Variants in ZC3H18 observed in about 807,000 individuals in gnomAD.
The protein encoded by ZC3H18 is zinc finger CCCH-type containing 18.
ZC3H18 carries 8 observed loss-of-function variants against 106.1 expected under a neutral mutation model. The observed-to-expected ratio is 0.08, with a 90% CI of 0.04 to 0.14. The LOEUF is 0.14. ZC3H18 is among the 10% of genes least tolerant of loss of function. The probability of loss-of-function intolerance (pLI) is 1.00; values close to 1 mark genes in which losing one functional copy is unlikely to be tolerated. For missense variants in ZC3H18, 1,318 were observed against 1,278.4 expected (o/e 1.03, Z -0.47); for synonymous variants, 635 against 522.1 (o/e 1.22, Z -2.95).
intron 8 of ZC3H18, among the ~76,000 whole-genome samples, chr16:88,621,382 G>A (rs1378859510): frequency 3.9e-5 from 6 of 152,052 alleles, no homozygotes; most frequent in Non-Finnish European, 5.9e-5. Context: ...CTGCCACCAC[G>A]CCTGGCTAAT....
At chr16:88,625,872 C>G (rs1322010014) in intron 13 of ZC3H18, 1 of 97,568 alleles carries the variant, frequency 1.0e-5, no homozygotes, top group Admixed American at 1.3e-4. Context: ...GAGACAGTTT[C>G]ATTCTTGTTG....
intron 7 of ZC3H18, among the ~76,000 whole-genome samples, chr16:88,610,339 A>G (rs1051816219): frequency 6.6e-6 from 1 of 152,200 alleles, no homozygotes; most frequent in Non-Finnish European, 1.5e-5. Context: ...GGAGCCCATC[A>G]GGGTGAGCTT....
At chr16:88,600,093 T>TGCTC in intron 6 of ZC3H18, 145 bp downstream of exon 6, 2 of 1,063,686 alleles carry the variant, frequency 1.9e-6, no homozygotes, top group Non-Finnish European at 2.7e-6. Context: ...CCTGAGAGCA[T>TGCTC]TCAGGCACGG....
intron 8 of ZC3H18, among the ~76,000 whole-genome samples, chr16:88,617,678 G>T (rs1905707175): frequency 6.6e-6 from 1 of 152,228 alleles, no homozygotes; most frequent in South Asian, 2.1e-4. Context: ...GGCTCCTGCG[G>T]TGGGGTTGTG....
At chr16:88,617,287 C>T (rs1905674864) in intron 8 of ZC3H18, among the ~76,000 whole-genome samples, 1 of 152,142 alleles carries the variant, frequency 6.6e-6, no homozygotes, top group African/African-American at 2.4e-5. Flanking sequence ...GACCAGCTCC[C>T]CCCTGGACCT....
intron 3 of ZC3H18, among the ~76,000 whole-genome samples, chr16:88,595,105 T>C (rs751446282): frequency 6.6e-6 from 1 of 152,154 alleles, no homozygotes; most frequent in Non-Finnish European, 1.5e-5. Flanking sequence ...GAGCTGAGAT[T>C]GTGCCATTGC....
rs536120550 is a variant in ZC3H18, at chr16:88,614,167, C to A, written c.1475+2631C>A. ...ATAAAAATCCACATTTGGGCCTACA[C>A]CTTCCAGTAACACTGGACTCCGCTA... On this transcript the variant is annotated intron_variant, in intron 8 of 17. Transcript: ENST00000301011. Among the ~76,000 whole-genome samples, 12 of 152,364 alleles carry A rather than the reference C, an allele frequency of 7.9e-5. No homozygotes were observed. In the East Asian group the frequency reaches 2.1e-3, roughly 27 times the overall value.
chr16:88,603,117 A>C (rs1182266886), intron 6 of ZC3H18, among the ~76,000 whole-genome samples: 1 of 151,754 alleles, frequency 6.6e-6, no homozygotes, highest in Admixed American at 6.6e-5. Context: ...GGCGCCCGCC[A>C]CCACGCTCAG....
At chr16:88,623,112 T>C (rs1369554762) in intron 9 of ZC3H18, 107 bp from the exon 10 acceptor site, 3 of 1,475,500 alleles carry the variant, frequency 2.0e-6, no homozygotes, top group Non-Finnish European at 2.7e-6. Flanking sequence ...TGCGCTTGTG[T>C]GTAGCTGTGC....
intron 15 of ZC3H18, 44 bp downstream of exon 15, chr16:88,628,163 C>A: frequency 6.3e-7 from 1 of 1,593,206 alleles, no homozygotes; most frequent in Non-Finnish European, 8.6e-7. Context: ...GCGTCTAGGC[C>A]TGGGTCCATC....
At chr16:88,576,691 T>G (rs1206453625) in intron 1 of ZC3H18, among the ~76,000 whole-genome samples, 1 of 152,244 alleles carries the variant, frequency 6.6e-6, no homozygotes, top group African/African-American at 2.4e-5. Flanking sequence ...GATCTGGGCC[T>G]GCAGTTTTGC....
chr16:88,590,726 AT>A (rs1225287650), intron 3 of ZC3H18, among the ~76,000 whole-genome samples: 1 of 150,736 alleles, frequency 6.6e-6, no homozygotes, highest in Admixed American at 6.6e-5. Context: ...CCCCCAACTC[AT>A]TTTTGTATTT....
At chr16:88,575,139 ACTTAAT>A (rs1914667701) in intron 1 of ZC3H18, among the ~76,000 whole-genome samples, 1 of 150,006 alleles carries the variant, frequency 6.7e-6, no homozygotes, top group African/African-American at 2.5e-5. Context: ...TCTAATGTGT[ACTTAAT>A]CTTAATGATT....
chr16:88,607,928 T>C (rs986693838), intron 6 of ZC3H18, among the ~76,000 whole-genome samples: 2 of 152,346 alleles, frequency 1.3e-5, no homozygotes, highest in Non-Finnish European at 1.5e-5. Flanking sequence ...TGTGTTGATA[T>C]TTTATTCCTA....
intron 3 of ZC3H18, among the ~76,000 whole-genome samples, chr16:88,597,471 CATT>C (rs1270494627): frequency 6.6e-6 from 1 of 152,186 alleles, no homozygotes; most frequent in African/African-American, 2.4e-5. Context: ...AATGTGTACA[CATT>C]ATCTATTCCC....
At position 88,630,926 on chromosome 16, in the gene ZC3H18, G is replaced by C. The variant is rs189109346; in HGVS notation, c.2664-175G>C. Among the ~76,000 whole-genome samples the C allele has an allele frequency of 2.4e-4, 37 of 152,366 alleles. No homozygotes were observed. In the East Asian group the frequency reaches 7.1e-3, roughly 29 times the overall value. ...CCAGTCTGCTCCACAAAGCCCGGGA[G>C]CCAGTGGCTAGGACCAGGCCTGCTT... On this transcript the variant is annotated intron_variant, in intron 17 of 17. Transcript: ENST00000301011.
rs777561256 is a variant in ZC3H18 at position 88,624,009 on chromosome 16, T to A, written c.1845T>A (p.His615Gln). 3.5e-5 allele frequency: 56 copies of A among 1,613,734 alleles called. No homozygotes were observed. In the Admixed American group the frequency reaches 9.2e-4, roughly 26 times the overall value. ...CCCCGTCCCCAACACCTTCCCCACA[T>A]AGACCTTCCATCAGAACCAAGGGAG... ...SPSPSPTPSPHRPSIRTKGEP... is the reference protein window; with the variant it reads ...SPSPSPTPSPQRPSIRTKGEP... Residue 615 changes from histidine (H) to glutamine (Q), a missense_variant, in exon 11 of 18, where the codon CAT becomes CAA. Physicochemically the swap from His to Gln is conservative, Grantham distance 24. This residue lies in a region of ZC3H18 where 848 missense variants were observed against 821.7 expected (regional missense o/e 1.03). Transcript: ENST00000301011.
rs912827874 is a variant in ZC3H18, at chr16:88,625,220, C to A, written c.2061C>A (p.Ser687Arg). ...TPPRRRTLSGSGSGSGSSYSG... is the reference protein window; with the variant it reads ...TPPRRRTLSGRGSGSGSSYSG... ...ATTACAGGCGGACGCTAAGCGGCAG[C>A]GGCAGTGGCAGTGGTAGCAGCTATA... Residue 687 changes from serine to arginine, a missense_variant, in exon 13 of 18, where the codon AGC (serine) becomes AGA (arginine). Transcript: ENST00000301011. The A allele has an allele frequency of 6.3e-7, 1 of 1,591,688 alleles. No individual in the cohort carries two copies.
Position 88,577,627 on chromosome 16 carries a change from G to A in ZC3H18, c.504G>A (p.Lys168=). The change falls in exon 2 of 18, where the codon AAG becomes AAA. Residue 168 remains lysine, a synonymous_variant. Coordinates refer to ENST00000301011, the MANE Select transcript of ZC3H18 (RefSeq NM_144604.4). ...AAGGCACTCCCAGGGAGGAGGGGAA[G>A]GCTGGTGTTCAGAGTGTGGGAGAAA... ...KGEGTPREEG[K]AGVQSVGEKE... The A allele has an allele frequency of 1.2e-6, 2 of 1,613,980 alleles. No homozygotes were observed. Among genetic ancestry groups the A allele is most frequent in the Admixed American group, 3.3e-5 (2 of 60,018 alleles).
Sources: gnomAD v4.1 joint callset for allele counts (sites outside exome capture counted in the v4.1 genomes callset) on GRCh38, gnomAD v4.1.1 for gene constraint, gnomAD v4.1.1 regional missense constraint, MANE v1.5 for transcripts, NCBI Gene and HGNC (gene_info 2026-07-23, HGNC 2026-07-21) for gene names.